The following NR6A1 variants were observed in gnomAD, a reference collection of about 807,000 sequenced individuals.
NR6A1 encodes nuclear receptor subfamily 6 group A member 1.
A neutral mutation model predicts 59.1 loss-of-function variants in NR6A1; 7 were observed. The ratio of observed to expected loss-of-function variants is 0.12; its 90% CI spans 0.07 to 0.22. The LOEUF (loss-of-function observed/expected upper bound fraction) is 0.22. Ranked by LOEUF, NR6A1 falls within the 10% of genes least tolerant of loss-of-function variation. NR6A1 has a pLI of 1.00. For synonymous variants in NR6A1, 243 were observed against 236.1 expected (o/e 1.03, Z -0.27); for missense variants, 468 against 611.6 (o/e 0.77, Z 2.48).
chr9:124,637,904 A>AAG (rs1442842456), intron 2 of NR6A1, among the ~76,000 whole-genome samples: 5 of 148,114 alleles, frequency 3.4e-5, no homozygotes, highest in Non-Finnish European at 7.4e-5. Flanking sequence ...AAAAAAAAAA[A>AAG]AAAAAAAAGA....
At chr9:124,710,998 A>G (rs914467168) in intron 2 of NR6A1, among the ~76,000 whole-genome samples, 4 of 152,130 alleles carry the variant, frequency 2.6e-5, no homozygotes, top group Non-Finnish European at 5.9e-5. Context: ...GAAATTTTCC[A>G]GTAATTAAAT....
At chr9:124,741,257 ATT>A (rs1278613199) in intron 1 of NR6A1, among the ~76,000 whole-genome samples, 1 of 152,052 alleles carries the variant, frequency 6.6e-6, no homozygotes, top group Non-Finnish European at 1.5e-5. Flanking sequence ...CTCTTTGTAA[ATT>A]TGTCACACCA....
chr9:124,764,461 C>T (rs1840873963), intron 1 of NR6A1, among the ~76,000 whole-genome samples: 1 of 151,390 alleles, frequency 6.6e-6, no homozygotes, highest in African/African-American at 2.5e-5. Context: ...TCTTAGACCT[C>T]CAAAATGCTC....
At chr9:124,589,627 G>A (rs1210573097) in intron 2 of NR6A1, among the ~76,000 whole-genome samples, 1 of 152,174 alleles carries the variant, frequency 6.6e-6, no homozygotes, top group Admixed American at 6.5e-5. Flanking sequence ...CACATTTTGA[G>A]ATTAAATGCT....
intron 1 of NR6A1, among the ~76,000 whole-genome samples, chr9:124,758,060 A>C (rs1840684741): frequency 6.6e-6 from 1 of 152,246 alleles, no homozygotes; most frequent in Admixed American, 6.5e-5. Context: ...GCTTGCAGTC[A>C]GTTCTGAATT....
At chr9:124,728,593 C>G (rs1839793734) in intron 2 of NR6A1, among the ~76,000 whole-genome samples, 1 of 151,658 alleles carries the variant, frequency 6.6e-6, no homozygotes, top group African/African-American at 2.4e-5. Context: ...CGAGATGGCA[C>G]CACTGCACTC....
At chr9:124,767,294 T>G (rs1490357689) in intron 1 of NR6A1, among the ~76,000 whole-genome samples, 1 of 152,200 alleles carries the variant, frequency 6.6e-6, no homozygotes, top group Non-Finnish European at 1.5e-5. Context: ...GCATACACCT[T>G]TTTGCTACGG....
chr9:124,565,166 C>T (rs1157089934), intron 2 of NR6A1, among the ~76,000 whole-genome samples: 1 of 152,128 alleles, frequency 6.6e-6, no homozygotes, highest in African/African-American at 2.4e-5. Flanking sequence ...TGGAGGCTCA[C>T]ACCTGTAATC....
intron 2 of NR6A1, among the ~76,000 whole-genome samples, chr9:124,706,373 CCAT>C (rs373784885): frequency 6.6e-6 from 1 of 152,272 alleles, no homozygotes; most frequent in East Asian, 1.9e-4. Context: ...ATTTGAGTTA[CCAT>C]CTGGTATCAC....
intron 2 of NR6A1, among the ~76,000 whole-genome samples, chr9:124,726,623 G>A (rs1368673350): frequency 6.6e-6 from 1 of 152,160 alleles, no homozygotes; most frequent in Non-Finnish European, 1.5e-5. Context: ...GAGTTGAAGA[G>A]GCATCTAATT....
intron 2 of NR6A1, among the ~76,000 whole-genome samples, chr9:124,615,569 C>A (rs1469656230): frequency 6.6e-6 from 1 of 152,056 alleles, no homozygotes; most frequent in Non-Finnish European, 1.5e-5. Context: ...TTCCAACTTT[C>A]TCCATTCCCC....
chr9:124,656,791 C>T (rs1377190340), intron 2 of NR6A1, among the ~76,000 whole-genome samples: 1 of 152,158 alleles, frequency 6.6e-6, no homozygotes, highest in African/African-American at 2.4e-5. Context: ...AAGACAGTGC[C>T]ATTGCATCCC....
chr9:124,667,505 C>T lies in NR6A1; in HGVS notation c.142+65803G>A, dbSNP rs568685809. 3.3e-5 allele frequency among the ~76,000 whole-genome samples: 5 copies of T among 152,270 alleles called. 1 individual carries two copies. In the South Asian group the frequency reaches 1.0e-3, roughly 32 times the overall value. Reference sequence around the variant, plus strand: ...ACTGTATATCCCAAACACAAAACTACTTTAAAGTTGGGATATTAATGGTGA... The same window carrying T: ...ACTGTATATCCCAAACACAAAACTATTTTAAAGTTGGGATATTAATGGTGA... On this transcript the variant is annotated intron_variant, in intron 2 of 9. Coordinates refer to ENST00000487099, the MANE Select transcript of NR6A1 (RefSeq NM_033334.4).
intron 2 of NR6A1, among the ~76,000 whole-genome samples, chr9:124,635,854 T>C (rs1836595860): frequency 6.6e-6 from 1 of 152,232 alleles, no homozygotes; most frequent in Non-Finnish European, 1.5e-5. Flanking sequence ...GTGTAGACAT[T>C]AGTTTTCAAT....
intron 3 of NR6A1, among the ~76,000 whole-genome samples, chr9:124,544,727 T>C (rs1833547808): frequency 6.6e-6 from 1 of 152,100 alleles, no homozygotes; most frequent in South Asian, 2.1e-4. Context: ...GGGTGGCCTA[T>C]GTGGGGGAAG....
intron 2 of NR6A1, among the ~76,000 whole-genome samples, chr9:124,665,211 A>T (rs1437442508): frequency 6.6e-6 from 1 of 151,766 alleles, no homozygotes; most frequent in African/African-American, 2.4e-5. Context: ...TAAAATAAAT[A>T]AACGGCAGTG....
intron 2 of NR6A1, among the ~76,000 whole-genome samples, chr9:124,577,277 C>T (rs1834630125): frequency 6.6e-6 from 1 of 152,024 alleles, no homozygotes; most frequent in Non-Finnish European, 1.5e-5. Flanking sequence ...ACACTTTTTC[C>T]CACACAAAAA....
At chr9:124,726,730 G>A (rs2131110513) in intron 2 of NR6A1, among the ~76,000 whole-genome samples, 1 of 152,260 alleles carries the variant, frequency 6.6e-6, no homozygotes. Flanking sequence ...GTAAATACAT[G>A]AGCCAGTCAT....
chr9:124,663,307 T>C (rs7040829), intron 2 of NR6A1, among the ~76,000 whole-genome samples: 35 of 152,288 alleles, frequency 2.3e-4, no homozygotes, highest in African/African-American at 7.0e-4. Flanking sequence ...ATCAAATAAA[T>C]TGGACGTGAT....
Sources: allele counts gnomAD v4.1 joint callset (sites outside exome capture counted in the v4.1 genomes callset), GRCh38; gene constraint gnomAD v4.1.1; transcripts MANE v1.5; gene names NCBI Gene and HGNC (gene_info 2026-07-23, HGNC 2026-07-21).